WASF1: variants seen among roughly 807,000 people sequenced by gnomAD.
The protein encoded by WASF1 is WASP family member 1, also known as actin-binding protein WASF1.
A neutral mutation model predicts 50.5 loss-of-function variants in WASF1; 7 were observed. That is an observed-to-expected ratio of 0.14 (90% CI 0.08 to 0.26). WASF1 has a LOEUF of 0.26. Among genes scored for constraint, WASF1 ranks in the 10% least tolerant of loss-of-function variants. The pLI, the probability that WASF1 is intolerant of heterozygous loss-of-function variation, is 1.00. For missense variants in WASF1, 470 were observed against 694.7 expected, an observed-to-expected ratio of 0.68 and a Z score of 3.64; for synonymous variants, 205 against 244.0, an observed-to-expected ratio of 0.84 and a Z score of 1.49.
chr6:110,135,984 T>C (rs1014879431), intron 3 of WASF1, among the ~76,000 whole-genome samples: 3 of 148,254 alleles, frequency 2.0e-5, no homozygotes, highest in South Asian at 2.2e-4. Context: ...CCCGGGTTCA[T>C]GCCATTCTTC....
At chr6:110,172,994 C>T (rs967625229) in intron 2 of WASF1, among the ~76,000 whole-genome samples, 1 of 152,106 alleles carries the variant, frequency 6.6e-6, no homozygotes, top group Admixed American at 6.6e-5. Context: ...CCTCCCTTTT[C>T]GTTTAACCCT....
At chr6:110,169,224 A>G (rs550374434) in intron 2 of WASF1, among the ~76,000 whole-genome samples, 32 of 152,152 alleles carry the variant, frequency 2.1e-4, no homozygotes, top group Non-Finnish European at 3.7e-4. Context: ...CAACCCTAAC[A>G]GTCCTGACAA....
At chr6:110,144,705 A>G (rs574651953) in intron 3 of WASF1, among the ~76,000 whole-genome samples, 3 of 152,294 alleles carry the variant, frequency 2.0e-5, no homozygotes, top group African/African-American at 7.2e-5. Flanking sequence ...TCCCAGCACC[A>G]TTTATTAAAT....
rs1773030394 is a variant in WASF1, at chr6:110,100,432, A to G, written c.*90T>C. 7.9e-7 allele frequency: 1 copy of G among 1,262,212 alleles called. No individual in the cohort carries two copies. Among genetic ancestry groups the G allele is most frequent in the Non-Finnish European group, 1.0e-6 (1 of 956,374 alleles). The allele number at this position is 1,262,212 out of a possible 1,614,324, so 78.2% of individuals were successfully genotyped here. A position where few individuals can be genotyped will look rare whatever the true frequency, so the allele number is the denominator to read the frequency against. ...TCATTTATTATAAGGAAAAGAAAGC[A>G]AAACACTAGAATGACCAAACATTTT... On this transcript the variant is annotated 3_prime_UTR_variant, in exon 11 of 11. Coordinates refer to ENST00000392589, the MANE Select transcript of WASF1 (RefSeq NM_003931.3).
intron 9 of WASF1, among the ~76,000 whole-genome samples, chr6:110,102,430 G>C (rs754474580): frequency 6.6e-6 from 1 of 151,550 alleles, no homozygotes; most frequent in South Asian, 2.1e-4. Flanking sequence ...GCTTTGGTTT[G>C]TAATAGTCTA....
At chr6:110,148,631 T>C (rs1471479214) in intron 3 of WASF1, among the ~76,000 whole-genome samples, 6 of 152,106 alleles carry the variant, frequency 3.9e-5, no homozygotes, top group African/African-American at 1.4e-4. Flanking sequence ...TTGAAGGTCA[T>C]ATTGACGATT....
intron 5 of WASF1, among the ~76,000 whole-genome samples, chr6:110,110,984 C>T (rs1773527213): frequency 6.6e-6 from 1 of 152,116 alleles, no homozygotes; most frequent in Non-Finnish European, 1.5e-5. Context: ...AGGTATAATT[C>T]TGACAGTATA....
intron 2 of WASF1, among the ~76,000 whole-genome samples, chr6:110,165,903 GCTCC>G (rs1776457487): frequency 6.6e-6 from 1 of 151,670 alleles, no homozygotes; most frequent in Non-Finnish European, 1.5e-5. Context: ...CACCCTTCTA[GCTCC>G]CTTTATGTTC....
intron 3 of WASF1, among the ~76,000 whole-genome samples, chr6:110,128,631 T>C (rs898827776): frequency 6.6e-6 from 1 of 152,216 alleles, no homozygotes; most frequent in Non-Finnish European, 1.5e-5. Flanking sequence ...CCCAACACCA[T>C]GATTCAAATT....
chr6:110,168,307 A>T (rs1438579009), intron 2 of WASF1, among the ~76,000 whole-genome samples: 2 of 152,058 alleles, frequency 1.3e-5, no homozygotes, highest in South Asian at 2.1e-4. Context: ...ATTACCAAAA[A>T]ATTTACATTT....
At chr6:110,173,864 G>C (rs1776816154) in intron 2 of WASF1, among the ~76,000 whole-genome samples, 1 of 152,150 alleles carries the variant, frequency 6.6e-6, no homozygotes, top group Non-Finnish European at 1.5e-5. Flanking sequence ...AAAGTTCTGA[G>C]TGACTTGGCT....
intron 7 of WASF1, 60 bp from the exon 8 acceptor site, chr6:110,105,639 T>G: frequency 1.3e-6 from 2 of 1,514,648 alleles, no homozygotes; most frequent in South Asian, 2.3e-5. Flanking sequence ...AAAAAGGAGG[T>G]TATAACAATC....
chr6:110,158,472 G>A lies in WASF1; in HGVS notation c.-29+2163C>T, dbSNP rs537110629. Among the ~76,000 whole-genome samples, 105 of 131,132 alleles carry A rather than the reference G, an allele frequency of 8.0e-4. 8 individuals are homozygous for A. Among genetic ancestry groups the A allele is most frequent in the African/African-American group, 2.7e-3 (82 of 30,612 alleles). The allele number at this position is 131,132 out of a possible 152,430, so 86.0% of individuals were successfully genotyped here. A position where few individuals can be genotyped will look rare whatever the true frequency, so the allele number is the denominator to read the frequency against. On this transcript the variant is annotated intron_variant, in intron 3 of 10. Transcript: ENST00000392589. ...CTTTTTCTTTATTAGTCTTGCTAGC[G>A]GTCTATCAATTTTGTTGATCCTTTC...
intron 4 of WASF1, among the ~76,000 whole-genome samples, chr6:110,119,381 A>G (rs1404048582): frequency 6.6e-6 from 1 of 152,256 alleles, no homozygotes; most frequent in Non-Finnish European, 1.5e-5. Context: ...CCCCAGAAAT[A>G]CAAACTACCA....
chr6:110,108,471 C>T, intron 6 of WASF1, 57 bp downstream of exon 6: 1 of 1,500,326 alleles, frequency 6.7e-7, no homozygotes, highest in Non-Finnish European at 9.0e-7. Context: ...GGGGATTTAG[C>T]ATTTCAATCT....
intron 8 of WASF1, among the ~76,000 whole-genome samples, chr6:110,104,050 C>T (rs1773210430): frequency 6.6e-6 from 1 of 152,068 alleles, no homozygotes; most frequent in Non-Finnish European, 1.5e-5. Flanking sequence ...CTCCCAGATA[C>T]TAGCAGCACA....
chr6:110,103,979 A>G (rs1434515836), intron 8 of WASF1, among the ~76,000 whole-genome samples: 2 of 152,192 alleles, frequency 1.3e-5, no homozygotes, highest in African/African-American at 2.4e-5. Context: ...TACTACTAGT[A>G]TATCTCGGTG....
At chr6:110,124,274 C>CTCTATATATATA (rs1331534646) in intron 4 of WASF1, among the ~76,000 whole-genome samples, 4 of 20,504 alleles carry the variant, frequency 2.0e-4, no homozygotes, top group African/African-American at 5.4e-4. Context: ...CTCTCTCTCT[C>CTCTATATATATA]TATATATATA....
At chr6:110,126,701 A>ATTT (rs1421704106) in intron 4 of WASF1, among the ~76,000 whole-genome samples, 1 of 152,238 alleles carries the variant, frequency 6.6e-6, no homozygotes, top group Non-Finnish European at 1.5e-5. Context: ...CTTATGAAAA[A>ATTT]GCTAATCCTT....
Sources: allele counts gnomAD v4.1 joint callset (sites outside exome capture counted in the v4.1 genomes callset), GRCh38; gene constraint gnomAD v4.1.1; transcripts MANE v1.5; gene names NCBI Gene and HGNC (gene_info 2026-07-23, HGNC 2026-07-21).